The following DNAH9 variants were observed in gnomAD, a reference collection of about 807,000 sequenced individuals.
DNAH9 encodes DNAH9 variant protein.
A neutral mutation model predicts 471.6 loss-of-function variants in DNAH9; 345 were observed. That is an observed-to-expected ratio of 0.73 (90% confidence interval 0.67 to 0.80). DNAH9 has a LOEUF of 0.80. DNAH9 is among the 30% of genes least tolerant of loss of function. The probability of loss-of-function intolerance (pLI) is 0.00; values close to 1 mark genes in which losing one functional copy is unlikely to be tolerated. For synonymous variants in DNAH9, 2,093 were observed against 2,123.6 expected, an observed-to-expected ratio of 0.99 and a Z score of 0.40; for missense variants, 5,407 against 5,609.2, an observed-to-expected ratio of 0.96 and a Z score of 1.15.
intron 56 of DNAH9, 72 bp downstream of exon 56, chr17:11,883,822 A>G: frequency 6.7e-7 from 1 of 1,494,328 alleles, no homozygotes; most frequent in South Asian, 1.3e-5. Flanking sequence ...CTCCTCTTAG[A>G]CAATGAGTCT....
Position 11,954,769 on chromosome 17 carries a change from TAA to T in DNAH9, c.12844-7080_12844-7079del, listed in dbSNP as rs34740871. Among the ~76,000 whole-genome samples the T allele has an allele frequency of 5.1e-3, 605 of 118,686 alleles. 1 individual carries two copies. Among genetic ancestry groups the T allele is most frequent in the Non-Finnish European group, 7.3e-3 (417 of 56,974 alleles). 77.9% of individuals were successfully genotyped at this position (118,686 alleles called of 152,430 possible). Reference sequence around the variant, plus strand: ...TGGGCAACACGGCAAGACTTCGTCTTAAAAAAAAAAAAAAAAAAAGAGAGAGA... The same window carrying T: ...TGGGCAACACGGCAAGACTTCGTCTTAAAAAAAAAAAAAAAAAGAGAGAGA... On this transcript the variant is annotated intron_variant, in intron 67 of 68. Transcript: ENST00000262442.
chr17:11,879,806 A>G (rs1972642577), intron 53 of DNAH9, among the ~76,000 whole-genome samples: 1 of 152,188 alleles, frequency 6.6e-6, no homozygotes, highest in East Asian at 1.9e-4. Flanking sequence ...AATATATTCA[A>G]ATATACGTAG....
At chr17:11,750,795 C>T (rs563035289) in intron 32 of DNAH9, among the ~76,000 whole-genome samples, 1 of 152,182 alleles carries the variant, frequency 6.6e-6, no homozygotes, top group South Asian at 2.1e-4. Flanking sequence ...TTTAAACTCA[C>T]TTTATTATAA....
At chr17:11,852,441 A>T (rs1032242219) in intron 49 of DNAH9, among the ~76,000 whole-genome samples, 1 of 151,942 alleles carries the variant, frequency 6.6e-6, no homozygotes, top group Non-Finnish European at 1.5e-5. Context: ...GGTCCTTCAC[A>T]TGGGAAATTT....
Position 11,962,392 on chromosome 17 carries a change from A to G in DNAH9, c.13233+136A>G. 1 of 1,378,560 alleles carries G rather than the reference A, an allele frequency of 7.3e-7. No individual in the cohort carries two copies. The highest frequency in any genetic ancestry group is 9.5e-7 in the Non-Finnish European group (1 of 1,050,392). 85.4% of individuals were successfully genotyped at this position (1,378,560 alleles called of 1,614,324 possible). A position where few individuals can be genotyped will look rare whatever the true frequency, so the allele number is the denominator to read the frequency against. On this transcript the variant is annotated intron_variant, in intron 68 of 68. Coordinates refer to ENST00000262442, the MANE Select transcript of DNAH9 (RefSeq NM_001372.4). This position sits in a 1 kb window ranked among gnomAD's most constrained non-coding sequence, Gnocchi z 4.1. The stretch of plus-strand genomic sequence containing the variant: ...CTAACCTTCTTTCCTTGAGGCCATC[A>G]GGCCATTTTTATTTAGCCAGGGGTG...
chr17:11,676,213 A>C (rs570231142), intron 17 of DNAH9, among the ~76,000 whole-genome samples: 1 of 151,804 alleles, frequency 6.6e-6, no homozygotes, highest in Non-Finnish European at 1.5e-5. Context: ...AAAATGGATA[A>C]GATCCTCTCA....
At chr17:11,750,126 A>G (rs181554855) in intron 32 of DNAH9, among the ~76,000 whole-genome samples, 1 of 152,264 alleles carries the variant, frequency 6.6e-6, no homozygotes, top group East Asian at 1.9e-4. Flanking sequence ...AGTAAATGGA[A>G]CATAGCCTTT....
chr17:11,881,630 C>T (rs150701904), intron 55 of DNAH9, among the ~76,000 whole-genome samples: 6 of 152,156 alleles, frequency 3.9e-5, no homozygotes, highest in South Asian at 2.1e-4. Flanking sequence ...GTTTGAAGGC[C>T]GGGCATGGTG....
chr17:11,869,110 G>T (rs1261024597), intron 50 of DNAH9, 24 bp from the exon 51 acceptor site: 2 of 1,610,750 alleles, frequency 1.2e-6, no homozygotes, highest in Non-Finnish European at 8.5e-7. Context: ...ATGACTGATG[G>T]TCCTTGTATT....
chr17:11,785,019 G>C (rs2150899523), intron 41 of DNAH9, among the ~76,000 whole-genome samples: 1 of 152,244 alleles, frequency 6.6e-6, no homozygotes, highest in South Asian at 2.1e-4. Context: ...CAGCCTCTAA[G>C]AGGGTCTCAG....
intron 59 of DNAH9, among the ~76,000 whole-genome samples, chr17:11,894,892 C>T (rs374482267): frequency 5.9e-5 from 9 of 152,352 alleles, no homozygotes; most frequent in East Asian, 1.9e-4. Flanking sequence ...ATTCAGGCAT[C>T]TGAATCCTAA....
In DNAH9 at chr17:11,689,885, G is replaced by A. The variant is rs765118563; in HGVS notation, c.4063G>A (p.Ala1355Thr). The A allele has an allele frequency of 1.2e-6, 2 of 1,607,840 alleles. No individual in the cohort carries two copies. Among genetic ancestry groups the A allele is most frequent in the Non-Finnish European group, 1.7e-6 (2 of 1,176,634 alleles). ...NLDKEVRAWD[A>T]FTGLESTVWN... Reference sequence around the variant, plus strand: ...GGACAAGGAGGTCAGGGCCTGGGATGCATTCACAGGCCTGGAAAGCACTGT... The same window carrying A: ...GGACAAGGAGGTCAGGGCCTGGGATACATTCACAGGCCTGGAAAGCACTGT... The change falls in exon 20 of 69, where the codon GCA becomes ACA. Residue 1355 changes from alanine (A) to threonine (T), a missense_variant. Coordinates refer to ENST00000262442, the MANE Select transcript of DNAH9 (RefSeq NM_001372.4).
chr17:11,753,619 T>G (rs144967150), intron 33 of DNAH9, among the ~76,000 whole-genome samples: 1 of 152,302 alleles, frequency 6.6e-6, no homozygotes, highest in Non-Finnish European at 1.5e-5. Context: ...TGAGCCGAGA[T>G]CGCGCCATTG....
intron 53 of DNAH9, among the ~76,000 whole-genome samples, chr17:11,876,429 A>T (rs1242273203): frequency 6.6e-6 from 1 of 152,160 alleles, no homozygotes; most frequent in Non-Finnish European, 1.5e-5. Context: ...AAAGTAAAAA[A>T]TGTTTTCAAA....
chr17:11,763,591 G>A lies in DNAH9; in HGVS notation c.7147G>A (p.Gly2383Ser), dbSNP rs147904971. Residue 2383 changes from glycine to serine, a missense_variant, in exon 36 of 69, where the codon GGC becomes AGC. Physicochemically the swap from Gly to Ser is moderately conservative, Grantham distance 56. Coordinates refer to ENST00000262442, the MANE Select transcript of DNAH9 (RefSeq NM_001372.4). ...TGTGTTTGCTGCCATCTGGGCTTTC[G>A]GCGGAGCAATGGTCCAAGATCAGGT... Reference protein sequence around the residue: ...YFVFAAIWAFGGAMVQDQLVD... With the variant: ...YFVFAAIWAFSGAMVQDQLVD... 30 of 1,613,984 alleles carry A rather than the reference G, an allele frequency of 1.9e-5. No individual in the cohort carries two copies. Among genetic ancestry groups the A allele is most frequent in the African/African-American group, 1.6e-4 (12 of 74,892 alleles).
In DNAH9 at chr17:11,669,430, C is replaced by T. The variant is rs1329706470; in HGVS notation, c.2989C>T (p.Gln997Ter). The change falls in exon 17 of 69, where the codon CAG becomes TAG. Residue 997 changes from glutamine to a stop codon, truncating the protein, a stop_gained. Coordinates refer to ENST00000262442, the MANE Select transcript of DNAH9 (RefSeq NM_001372.4). LOFTEE classifies it high-confidence loss of function. ...GCGGCGCACACTCATGGAGAGAGTC[C>T]AGAGAATGATGGGCCTCTGCTGTGG... Reference protein sequence around the residue: ...NMRRTLMERVQRMMGLCCGYQ... With the variant: ...NMRRTLMERV 2 of 1,614,082 alleles carry T rather than the reference C, an allele frequency of 1.2e-6. No individual in the cohort carries two copies. The highest frequency in any genetic ancestry group is 1.7e-6 in the Non-Finnish European group (2 of 1,180,014).
In DNAH9 at chr17:11,644,692, C is replaced by T. The variant is rs2073345811; in HGVS notation, c.1963C>T (p.Leu655=). The T allele has an allele frequency of 1.2e-6, 2 of 1,611,340 alleles. No homozygotes were observed. The highest frequency in any genetic ancestry group is 4.5e-5 in the East Asian group (2 of 44,796). ...AAAATATGAAGATATGCTGTCATTG[C>T]TAGAAAAGTAAGCAACTTCTGGCAT... is the stretch of plus-strand genomic sequence containing the variant. ...QQKYEDMLSL[L]EKYETRLYED... Residue 655 remains leucine (L), a synonymous_variant, in exon 11 of 69, where the codon CTA becomes TTA. Transcript: ENST00000262442.
At chr17:11,770,444 T>TG (rs111794736) in intron 38 of DNAH9, among the ~76,000 whole-genome samples, 2,765 of 145,800 alleles carry the variant, frequency 0.019, 82 homozygotes, top group African/African-American at 0.066. Flanking sequence ...AAAATGCTGA[T>TG]GGGGGGGAGC....
At chr17:11,926,064 C>CAAAAAAAAAAAAAAAAAAAA (rs1974313284) in intron 62 of DNAH9, among the ~76,000 whole-genome samples, 1 of 74,940 alleles carries the variant, frequency 1.3e-5, no homozygotes, top group Admixed American at 1.8e-4. Context: ...AAAAAAAAAG[C>CAAAAAAAAAAAAAAAAAAAA]TGGGGGGGGA....
Sources: gnomAD v4.1 joint callset for allele counts (sites outside exome capture counted in the v4.1 genomes callset) on GRCh38, gnomAD v4.1.1 for gene constraint, Gnocchi (gnomAD v3.1) non-coding constraint, MANE v1.5 for transcripts, NCBI Gene and HGNC (gene_info 2026-07-23, HGNC 2026-07-21) for gene names.